The following MINDY3 variants were observed in gnomAD, a reference collection of about 807,000 sequenced individuals.
MINDY3 encodes ubiquitin carboxyl-terminal hydrolase MINDY-3.
In MINDY3, 38 loss-of-function variants were observed where a neutral mutation model predicts 69.2. That is an observed-to-expected ratio of 0.55 (90% CI 0.42 to 0.72). The LOEUF (loss-of-function observed/expected upper bound fraction) is 0.72, where lower values mean the gene tolerates loss of function less well. Among genes scored for constraint, MINDY3 ranks in the 30% least tolerant of loss-of-function variants. MINDY3 has a pLI of 0.00. For missense variants in MINDY3, 522 were observed against 519.0 expected, an observed-to-expected ratio of 1.01 and a Z score of -0.06; for synonymous variants, 192 against 180.1, an observed-to-expected ratio of 1.07 and a Z score of -0.53.
chr10:15,843,840 A>G (rs959969953), intron 2 of MINDY3, among the ~76,000 whole-genome samples: 3 of 152,112 alleles, frequency 2.0e-5, no homozygotes, highest in African/African-American at 7.2e-5. Flanking sequence ...GTTATTTGAT[A>G]AAAAGCTGCA....
chr10:15,854,702 T>C (rs1834567622), intron 1 of MINDY3, among the ~76,000 whole-genome samples: 1 of 152,080 alleles, frequency 6.6e-6, no homozygotes, highest in Non-Finnish European at 1.5e-5. Flanking sequence ...AGAGAAGCAC[T>C]GAGGGCTCAG....
chr10:15,798,667 C>A (rs1475255917), intron 10 of MINDY3, among the ~76,000 whole-genome samples: 1 of 152,064 alleles, frequency 6.6e-6, no homozygotes, highest in African/African-American at 2.4e-5. Flanking sequence ...GTTAACCCAG[C>A]TACTTGGGAG....
At chr10:15,856,864 T>C (rs1834727101) in intron 1 of MINDY3, among the ~76,000 whole-genome samples, 1 of 152,200 alleles carries the variant, frequency 6.6e-6, no homozygotes, top group Admixed American at 6.5e-5. Context: ...TCTTACCATC[T>C]CCACTACCAC....
chr10:15,805,988 C>A (rs1838612054), intron 10 of MINDY3, among the ~76,000 whole-genome samples: 1 of 152,084 alleles, frequency 6.6e-6, no homozygotes, highest in South Asian at 2.1e-4. Flanking sequence ...TCTCAAATTC[C>A]TTTTTGCCAT....
intron 2 of MINDY3, among the ~76,000 whole-genome samples, chr10:15,844,467 T>C (rs1047282011): frequency 4.6e-5 from 7 of 152,204 alleles, no homozygotes; most frequent in Non-Finnish European, 7.4e-5. Flanking sequence ...ATAATGGGTA[T>C]ATGAATGTAT....
At chr10:15,832,343 C>G (rs189025720) in intron 8 of MINDY3, among the ~76,000 whole-genome samples, 1 of 151,994 alleles carries the variant, frequency 6.6e-6, no homozygotes, top group African/African-American at 2.4e-5. Flanking sequence ...CCAGAAACAA[C>G]TGGAAGAAGA....
At chr10:15,789,939 G>A (rs1290451152) in intron 11 of MINDY3, among the ~76,000 whole-genome samples, 1 of 152,136 alleles carries the variant, frequency 6.6e-6, no homozygotes, top group Non-Finnish European at 1.5e-5. Flanking sequence ...AACAGACCAT[G>A]ACACACACAA....
intron 8 of MINDY3, among the ~76,000 whole-genome samples, chr10:15,829,827 AAT>A (rs1840336510): frequency 6.6e-6 from 1 of 152,212 alleles, no homozygotes; most frequent in African/African-American, 2.4e-5. Context: ...AGCATATATG[AAT>A]ATGTGTATTT....
chr10:15,808,613 G>C lies in MINDY3; in HGVS notation c.882+8222C>G, dbSNP rs1002906723. 3.9e-5 allele frequency among the ~76,000 whole-genome samples: 6 copies of C among 152,132 alleles called. No homozygotes were observed. The East Asian group carries it at 1.2e-3, about 29-fold the overall frequency. On this transcript the variant is annotated intron_variant, in intron 10 of 14. Coordinates refer to ENST00000277632, the MANE Select transcript of MINDY3 (RefSeq NM_024948.4). Reference sequence around the variant, plus strand: ...TGGAAGAACAATGTCAGCTCACACAGCAACAGTTAAATAATTTTTTCCTCC... The same window carrying C: ...TGGAAGAACAATGTCAGCTCACACACCAACAGTTAAATAATTTTTTCCTCC...
chr10:15,779,011 C>A lies in MINDY3; in HGVS notation c.1319G>T (p.Arg440Leu), dbSNP rs142355387. ...PYIELLWTTDRSPSLN is the reference protein window; with the variant it reads ...PYIELLWTTDLSPSLN Reference sequence around the variant, plus strand: ...GACAAATTAATTTAGTGAAGGAGAGCGATCTGTGGTCCAGAGTAACTCAAT... The same window carrying A: ...GACAAATTAATTTAGTGAAGGAGAGAGATCTGTGGTCCAGAGTAACTCAAT... Residue 440 changes from arginine (R) to leucine (L), a missense_variant, in exon 15 of 15, where the codon CGC (arginine) becomes CTC (leucine). Transcript: ENST00000277632. 5 of 1,612,698 alleles carry A rather than the reference C, an allele frequency of 3.1e-6. No homozygotes were observed. The highest frequency in any genetic ancestry group is 4.2e-6 in the Non-Finnish European group (5 of 1,179,342).
intron 10 of MINDY3, among the ~76,000 whole-genome samples, chr10:15,799,100 A>G (rs1838062801): frequency 6.6e-6 from 1 of 152,104 alleles, no homozygotes; most frequent in Non-Finnish European, 1.5e-5. Context: ...GTTCCAATAA[A>G]ACTTTACTGA....
At chr10:15,782,424 T>C (rs1041438190) in intron 13 of MINDY3, 198 bp from the exon 14 acceptor site, 2 of 510,936 alleles carry the variant, frequency 3.9e-6, no homozygotes, top group Non-Finnish European at 6.8e-6. Context: ...CTGAAGAAGA[T>C]GCTGGAAAGT....
intron 1 of MINDY3, among the ~76,000 whole-genome samples, chr10:15,855,060 T>A (rs971154993): frequency 1.3e-5 from 2 of 152,108 alleles, no homozygotes; most frequent in Admixed American, 1.3e-4. Flanking sequence ...TTGCCTTCCT[T>A]AAAAATTTAA....
intron 4 of MINDY3, 149 bp downstream of exon 4, chr10:15,841,277 A>G (rs1833448736): frequency 3.2e-6 from 2 of 628,638 alleles, no homozygotes; most frequent in Non-Finnish European, 5.2e-6. Context: ...ATATGGAAAT[A>G]AAAAATAGTG....
intron 3 of MINDY3, 129 bp downstream of exon 3, chr10:15,843,083 T>A: frequency 1.3e-6 from 1 of 758,434 alleles, no homozygotes; most frequent in East Asian, 2.5e-5. Flanking sequence ...CATGAAACTT[T>A]CTAAAACATT....
In MINDY3 at chr10:15,834,571, A is replaced by G. The variant is rs1367849634; in HGVS notation, c.622T>C (p.Leu208=). Residue 208 remains leucine (L), a synonymous_variant, in exon 7 of 15, where the codon TTG becomes CTG. Transcript: ENST00000277632. ...KNEIEDASEP[L]IDPVYGHGSQ... ...CCATGTCCATATACAGGATCTATCA[A>G]GGGTTCACTTGCATCTTCAATTTCG... 2 of 1,611,978 alleles carry G rather than the reference A, an allele frequency of 1.2e-6. No homozygotes were observed. The highest frequency in any genetic ancestry group is 1.7e-4 in the Middle Eastern group (1 of 6,038).
chr10:15,795,701 A>G (rs953211427), intron 11 of MINDY3, among the ~76,000 whole-genome samples: 1 of 152,064 alleles, frequency 6.6e-6, no homozygotes, highest in East Asian at 1.9e-4. Flanking sequence ...GATTCAGATG[A>G]TCTTCCTCTG....
intron 8 of MINDY3, among the ~76,000 whole-genome samples, chr10:15,826,635 G>C (rs1840103302): frequency 2.6e-5 from 4 of 152,072 alleles, no homozygotes; most frequent in Admixed American, 2.6e-4. Flanking sequence ...TTTTGTAAAA[G>C]TATAACATCA....
At chr10:15,779,250 G>T in intron 14 of MINDY3, 109 bp from the exon 15 acceptor site, 4 of 803,306 alleles carry the variant, frequency 5.0e-6, no homozygotes, top group Non-Finnish European at 7.2e-6. Context: ...CATAGTTTCA[G>T]ATGAAACTTG....
Sources: allele counts gnomAD v4.1 joint callset (sites outside exome capture counted in the v4.1 genomes callset), GRCh38; gene constraint gnomAD v4.1.1; transcripts MANE v1.5; gene names NCBI Gene and HGNC (gene_info 2026-07-23, HGNC 2026-07-21).